GCSAML: variants seen among roughly 807,000 people sequenced by gnomAD.
GCSAML encodes the protein germinal center associated signaling and motility like, also known as germinal center-associated signaling and motility-like protein.
Under a neutral mutation model 13.0 loss-of-function variants are expected in GCSAML, and 9 were observed. The observed-to-expected ratio is 0.69, with a 90% CI of 0.42 to 1.21. GCSAML has a LOEUF of 1.21. Among genes scored for constraint, GCSAML ranks in the 50% most tolerant of loss-of-function variants. GCSAML has a pLI of 0.00. For synonymous variants in GCSAML, 37 were observed against 52.9 expected, an observed-to-expected ratio of 0.70 and a Z score of 1.31; for missense variants, 143 against 153.4, an observed-to-expected ratio of 0.93 and a Z score of 0.36.
rs188731265 is a variant in GCSAML, at chr1:247,537,278, T to G, written c.-148+10224T>G. Among the ~76,000 whole-genome samples, 1,078 of 149,006 alleles carry G rather than the reference T, an allele frequency of 7.2e-3. 7 individuals are homozygous for G. The highest frequency in any genetic ancestry group is 0.021 in the Middle Eastern group (6 of 292). ...TAACATGATATTTTCAAGGTTCATC[T>G]ATGTTGTAGCGTGTATCAGTACTTC... On this transcript the variant is annotated intron_variant, in intron 2 of 5. Coordinates refer to the GCSAML transcript ENST00000366489.
intron 2 of GCSAML, among the ~76,000 whole-genome samples, chr1:247,557,730 C>T (rs1320657944): frequency 1.3e-5 from 2 of 152,122 alleles, no homozygotes; most frequent in Admixed American, 6.5e-5. Context: ...ATCTTGTGAC[C>T]CTTTCTCACG....
chr1:247,538,018 TTTG>T (rs937979464), intron 2 of GCSAML, among the ~76,000 whole-genome samples: 13 of 152,188 alleles, frequency 8.5e-5, no homozygotes, highest in Non-Finnish European at 1.0e-4. Context: ...ATCTATTTTT[TTTG>T]TTGTTGTTTT....
At chr1:247,564,648 C>G (rs1050207822) in intron 3 of GCSAML, among the ~76,000 whole-genome samples, 3 of 152,030 alleles carry the variant, frequency 2.0e-5, no homozygotes, top group African/African-American at 7.3e-5. Context: ...ATTAATATAT[C>G]CATCACTATA....
chr1:247,550,187 C>T (rs914146427), intron 1 of GCSAML, among the ~76,000 whole-genome samples: 2 of 152,206 alleles, frequency 1.3e-5, no homozygotes, highest in Non-Finnish European at 1.5e-5. Flanking sequence ...TTATGACCTA[C>T]AGTCAAACAA....
In GCSAML at chr1:247,576,228, T is replaced by G. The variant is rs1271509199; in HGVS notation, c.*1846T>G. The G allele has an allele frequency of 6.6e-6, 1 of 152,200 alleles. No individual in the cohort carries two copies. The highest frequency in any genetic ancestry group is 1.5e-5 in the Non-Finnish European group (1 of 68,036). The allele number at this position is 152,200 out of a possible 1,614,324, so 9.4% of individuals were successfully genotyped here. A position where few individuals can be genotyped will look rare whatever the true frequency, so the allele number is the denominator to read the frequency against. On this transcript the variant is annotated 3_prime_UTR_variant, in exon 5 of 5. Coordinates refer to ENST00000366488, the MANE Select transcript of GCSAML (RefSeq NM_145278.5). Reference sequence around the variant, plus strand: ...GACCATCAGAAAGCAGAAGTGTCACTATTTCAAGTCAGTGCTCAAAAAGTT... The same window carrying G: ...GACCATCAGAAAGCAGAAGTGTCACGATTTCAAGTCAGTGCTCAAAAAGTT...
At position 247,515,171 on chromosome 1, in the gene GCSAML, T is replaced by C. The variant is rs137936252; in HGVS notation, c.-263+7938T>C. 3.0e-3 allele frequency among the ~76,000 whole-genome samples: 462 copies of C among 152,316 alleles called. 3 individuals are homozygous for C. The highest frequency in any genetic ancestry group is 0.011 in the African/African-American group (446 of 41,582). On this transcript the variant is annotated intron_variant, in intron 1 of 5. Transcript: ENST00000366489. ...CCATTTGACCATCATAGAACTAGAA[T>C]ATGTGGACTATGAACCACGTGAAAG...
chr1:247,517,012 G>T (rs1176787146), intron 1 of GCSAML, among the ~76,000 whole-genome samples: 3 of 152,146 alleles, frequency 2.0e-5, no homozygotes, highest in South Asian at 2.1e-4. Flanking sequence ...CAATGATCCT[G>T]ATTATTCTGC....
chr1:247,517,208 C>G (rs1666239958), intron 1 of GCSAML, among the ~76,000 whole-genome samples: 1 of 152,216 alleles, frequency 6.6e-6, no homozygotes, highest in South Asian at 2.1e-4. Context: ...TGGACCAAAT[C>G]TTTAACAATT....
chr1:247,567,512 C>CT (rs1668432064), intron 4 of GCSAML, among the ~76,000 whole-genome samples: 1 of 152,114 alleles, frequency 6.6e-6, no homozygotes, highest in Non-Finnish European at 1.5e-5. Context: ...TAAACTTATT[C>CT]TTTTTTATGG....
intron 2 of GCSAML, among the ~76,000 whole-genome samples, chr1:247,543,378 G>A (rs183446133): frequency 2.6e-5 from 4 of 152,186 alleles, no homozygotes; most frequent in African/African-American, 9.6e-5. Context: ...TGTTATAATT[G>A]TTCTATTTTT....
chr1:247,521,068 A>C (rs1666397528), intron 1 of GCSAML, among the ~76,000 whole-genome samples: 1 of 149,990 alleles, frequency 6.7e-6, no homozygotes, highest in African/African-American at 2.5e-5. Flanking sequence ...AAAAAATTTT[A>C]TTCTGTGGTG....
chr1:247,532,874 T>C (rs12730898), intron 2 of GCSAML, among the ~76,000 whole-genome samples: 19 of 139,382 alleles, frequency 1.4e-4, no homozygotes, highest in African/African-American at 5.6e-4. Context: ...AAAGACTGGG[T>C]GGGGGGTGTT....
Position 247,526,888 on chromosome 1 carries a change from G to A in GCSAML, c.-262-52G>A, listed in dbSNP as rs1666702073. ...TTCATTTACTATAACTTAAATCCAA[G>A]TAAGATGGGACTTCCCTCTATTTAG... On this transcript the variant is annotated intron_variant, in intron 1 of 5. Transcript: ENST00000366489. This position sits in a 1 kb window ranked among gnomAD's most constrained non-coding sequence, Gnocchi z 4.8. 2.2e-6 allele frequency: 1 copy of A among 444,500 alleles called. No individual in the cohort carries two copies. The highest frequency in any genetic ancestry group is 2.0e-5 in the African/African-American group (1 of 49,468). The allele number at this position is 444,500 out of a possible 1,614,324, so 27.5% of individuals were successfully genotyped here. A position where few individuals can be genotyped will look rare whatever the true frequency, so the allele number is the denominator to read the frequency against.
At chr1:247,520,305 AT>A (rs1441684476) in intron 1 of GCSAML, among the ~76,000 whole-genome samples, 1 of 152,176 alleles carries the variant, frequency 6.6e-6, no homozygotes, top group Non-Finnish European at 1.5e-5. Context: ...AGTAAAGTAG[AT>A]TACCCTCCAT....
At chr1:247,518,803 A>G (rs2103307674) in intron 1 of GCSAML, among the ~76,000 whole-genome samples, 1 of 152,336 alleles carries the variant, frequency 6.6e-6, no homozygotes, top group South Asian at 2.1e-4. Context: ...AGCCTGGGCA[A>G]TACAGCGAGA....
At chr1:247,567,612 A>G (rs897409746) in intron 4 of GCSAML, among the ~76,000 whole-genome samples, 1 of 152,186 alleles carries the variant, frequency 6.6e-6, no homozygotes, top group Non-Finnish European at 1.5e-5. Context: ...AGTCTTTGCT[A>G]TTGTGAATAG....
Position 247,577,649 on chromosome 1 carries a change from A to G in GCSAML, c.*3267A>G, listed in dbSNP as rs1015576818. On this transcript the variant is annotated 3_prime_UTR_variant, in exon 5 of 5. Coordinates refer to ENST00000366488, the MANE Select transcript of GCSAML (RefSeq NM_145278.5). ...GGATATTTAAGTTTTTGACATTATGAATAAAGTGGCTATAAATGAATAAAG... is the reference window on the plus strand; with the variant it reads ...GGATATTTAAGTTTTTGACATTATGGATAAAGTGGCTATAAATGAATAAAG... 1 of 152,182 alleles carries G rather than the reference A, an allele frequency of 6.6e-6. No homozygotes were observed. Among genetic ancestry groups the G allele is most frequent in the African/African-American group, 2.4e-5 (1 of 41,460 alleles). The allele number at this position is 152,182 out of a possible 1,614,324, so 9.4% of individuals were successfully genotyped here.
upstream of GCSAML, among the ~76,000 whole-genome samples, chr1:247,545,071 T>C (rs748340213): frequency 5.3e-5 from 8 of 152,206 alleles, no homozygotes; most frequent in Non-Finnish European, 1.2e-4. Flanking sequence ...AGCTTTTTCA[T>C]TGGTTAATTC....
rs1365210397 is a variant in GCSAML at position 247,575,566 on chromosome 1, A to G, written c.*1184A>G. 1 of 152,224 alleles carries G rather than the reference A, an allele frequency of 6.6e-6. No individual in the cohort carries two copies. The highest frequency in any genetic ancestry group is 1.5e-5 in the Non-Finnish European group (1 of 68,044). 9.4% of individuals were successfully genotyped at this position (152,224 alleles called of 1,614,324 possible). A position where few individuals can be genotyped will look rare whatever the true frequency, so the allele number is the denominator to read the frequency against. ...CATATAAACTTGCAGTAATAGTTCAAAAATTAATAGTTTTTGACATTGGCT... is the reference window on the plus strand; with the variant it reads ...CATATAAACTTGCAGTAATAGTTCAGAAATTAATAGTTTTTGACATTGGCT... On this transcript the variant is annotated 3_prime_UTR_variant, in exon 5 of 5. Transcript: ENST00000366488.
Sources: allele counts gnomAD v4.1 joint callset (sites outside exome capture counted in the v4.1 genomes callset), GRCh38; gene constraint gnomAD v4.1.1; non-coding constraint Gnocchi (gnomAD v3.1); transcripts MANE v1.5; gene names NCBI Gene and HGNC (gene_info 2026-07-23, HGNC 2026-07-21).